STRN: variants seen among roughly 807,000 people sequenced by gnomAD.
STRN encodes striatin.
A neutral mutation model predicts 96.3 loss-of-function variants in STRN; 53 were observed. The ratio of observed to expected loss-of-function variants is 0.55; its 90% CI spans 0.44 to 0.69. The LOEUF is 0.69. STRN is among the 30% of genes least tolerant of loss of function. The probability of loss-of-function intolerance (pLI) is 0.00; values close to 1 mark genes in which losing one functional copy is unlikely to be tolerated. For synonymous variants in STRN, 428 were observed against 355.9 expected, an observed-to-expected ratio of 1.20 and a Z score of -2.28; for missense variants, 987 against 963.9, an observed-to-expected ratio of 1.02 and a Z score of -0.32.
At chr2:36,953,983 G>A (rs1450779774) in intron 1 of STRN, among the ~76,000 whole-genome samples, 2 of 151,642 alleles carry the variant, frequency 1.3e-5, no homozygotes, top group East Asian at 3.9e-4. Context: ...CTCCAGCCTG[G>A]GCAGAATAGA....
intron 1 of STRN, among the ~76,000 whole-genome samples, chr2:36,963,583 C>T (rs10190027): frequency 0.25 from 38,186 of 152,016 alleles, 5,369 homozygotes; most frequent in East Asian, 0.63. Flanking sequence ...TCATATTCAT[C>T]CTGTTAGGAA....
chr2:36,869,586 C>A lies in STRN; in HGVS notation c.1467G>T (p.Met489Ile), dbSNP rs1426769362. 1 of 1,585,430 alleles carries A rather than the reference C, an allele frequency of 6.3e-7. No homozygotes were observed. Among genetic ancestry groups the A allele is most frequent in the African/African-American group, 1.4e-5 (1 of 73,930 alleles). Residue 489 changes from methionine to isoleucine, a missense_variant, in exon 11 of 18, where the codon ATG becomes ATT. Transcript: ENST00000263918. ...CTGGGGCTGTTTTCTGTAAATTCCA[C>A]ATTTTTAATGTGTGATCCTCTGATG... ...ITASEDHTLK[M>I]WNLQKTAPAK...
intron 1 of STRN, among the ~76,000 whole-genome samples, chr2:36,955,444 T>C (rs1664862267): frequency 6.6e-6 from 1 of 152,252 alleles, no homozygotes; most frequent in Non-Finnish European, 1.5e-5. Context: ...CTGTCAGCCC[T>C]AGAATTCTAG....
At chr2:36,952,728 A>G (rs909128758) in intron 1 of STRN, among the ~76,000 whole-genome samples, 2 of 152,216 alleles carry the variant, frequency 1.3e-5, no homozygotes, top group African/African-American at 4.8e-5. Context: ...AACAAAAGAT[A>G]AAGTACTGGG....
intron 6 of STRN, among the ~76,000 whole-genome samples, chr2:36,895,372 T>G (rs1669511881): frequency 6.6e-6 from 1 of 151,946 alleles, no homozygotes; most frequent in Non-Finnish European, 1.5e-5. Context: ...AAGGATTATT[T>G]AATGATGCTA....
At chr2:36,898,892 G>A (rs185852738) in intron 6 of STRN, among the ~76,000 whole-genome samples, 1 of 152,168 alleles carries the variant, frequency 6.6e-6, no homozygotes, top group African/African-American at 2.4e-5. Context: ...GAGAGAGAAG[G>A]GAGAAGGGGA....
Position 36,877,884 on chromosome 2 carries a change from T to C in STRN, c.1323+7A>G. ...GTAAACACAACAAAAACAAAACTAC[T>C]ACTTACATCATAAGTTAGTGAGTCT... On this transcript the variant is annotated splice_region_variant and intron_variant, in intron 10 of 17. Transcript: ENST00000263918. 1 of 1,613,118 alleles carries C rather than the reference T, an allele frequency of 6.2e-7. No homozygotes were observed. The highest frequency in any genetic ancestry group is 8.5e-7 in the Non-Finnish European group (1 of 1,179,756).
At chr2:36,859,193 G>A (rs977192681) in intron 13 of STRN, among the ~76,000 whole-genome samples, 3 of 152,130 alleles carry the variant, frequency 2.0e-5, no homozygotes, top group African/African-American at 7.2e-5. Flanking sequence ...GTCTCCAGGG[G>A]CAGCAGGATC....
chr2:36,889,280 C>T (rs1450039484), intron 7 of STRN, among the ~76,000 whole-genome samples: 2 of 152,112 alleles, frequency 1.3e-5, no homozygotes, highest in African/African-American at 2.4e-5. Flanking sequence ...GTTTAGAAAA[C>T]TGTTTCCTGG....
Position 36,849,369 on chromosome 2 carries a change from C to T in STRN, c.*87G>A, listed in dbSNP as rs567737076. 290 of 1,458,764 alleles carry T rather than the reference C, an allele frequency of 2.0e-4. 1 individual carries two copies. The African/African-American group carries it at 2.3e-3, about 12-fold the overall frequency. The allele number at this position is 1,458,764 out of a possible 1,614,324, so 90.4% of individuals were successfully genotyped here. Reference sequence around the variant, plus strand: ...CCTTCAGCAGAACAAAAGGGCAGGACGAGATGATTCTTGCCCTCGTCTTCT... The same window carrying T: ...CCTTCAGCAGAACAAAAGGGCAGGATGAGATGATTCTTGCCCTCGTCTTCT... On this transcript the variant is annotated 3_prime_UTR_variant, in exon 18 of 18. Coordinates refer to ENST00000263918, the MANE Select transcript of STRN (RefSeq NM_003162.4).
chr2:36,858,079 A>C, intron 13 of STRN, 56 bp from the exon 14 acceptor site: 3 of 1,437,690 alleles, frequency 2.1e-6, no homozygotes, highest in Non-Finnish European at 2.8e-6. Flanking sequence ...AAAGGTACTT[A>C]GATTTCAGAG....
At chr2:36,955,148 C>T (rs1572699863) in intron 1 of STRN, among the ~76,000 whole-genome samples, 1 of 152,284 alleles carries the variant, frequency 6.6e-6, no homozygotes, top group East Asian at 1.9e-4. Flanking sequence ...GAAGCAGCTA[C>T]ACAGAGTGAG....
At chr2:36,862,500 A>G (rs952144610) in intron 12 of STRN, among the ~76,000 whole-genome samples, 1 of 152,086 alleles carries the variant, frequency 6.6e-6, no homozygotes, top group Admixed American at 6.5e-5. Context: ...TGTAATAATA[A>G]GTGTTGTTGA....
chr2:36,872,140 G>A (rs1317913776), intron 10 of STRN, among the ~76,000 whole-genome samples: 1 of 152,180 alleles, frequency 6.6e-6, no homozygotes, highest in Non-Finnish European at 1.5e-5. Context: ...ACCTTATATA[G>A]TTTCCTCCCC....
At chr2:36,892,222 G>T (rs1669419768) in intron 7 of STRN, among the ~76,000 whole-genome samples, 1 of 152,068 alleles carries the variant, frequency 6.6e-6, no homozygotes, top group African/African-American at 2.4e-5. Context: ...AGGCACTTAG[G>T]GACATAAAGA....
At chr2:36,950,186 T>C (rs1358379839) in intron 1 of STRN, among the ~76,000 whole-genome samples, 1 of 151,596 alleles carries the variant, frequency 6.6e-6, no homozygotes, top group African/African-American at 2.4e-5. Context: ...GTTTCTTTTG[T>C]TGTTACTGGT....
intron 10 of STRN, among the ~76,000 whole-genome samples, chr2:36,870,716 TTTATG>T (rs1321369876): frequency 3.3e-5 from 5 of 152,134 alleles, no homozygotes; most frequent in Admixed American, 6.6e-5. Flanking sequence ...CTGTTACTGG[TTTATG>T]TTATTTATTA....
intron 6 of STRN, among the ~76,000 whole-genome samples, chr2:36,897,491 AGTGGC>A (rs1669574121): frequency 6.6e-6 from 1 of 151,396 alleles, no homozygotes; most frequent in Admixed American, 6.6e-5. Flanking sequence ...GCTGGAGTGC[AGTGGC>A]GCAATCTCAG....
intron 1 of STRN, among the ~76,000 whole-genome samples, chr2:36,941,149 C>T (rs752546766): frequency 6.6e-6 from 1 of 152,062 alleles, no homozygotes; most frequent in Non-Finnish European, 1.5e-5. Context: ...GAGGTGAGAC[C>T]CTGTCTCAAA....
Sources: allele counts gnomAD v4.1 joint callset (sites outside exome capture counted in the v4.1 genomes callset), GRCh38; gene constraint gnomAD v4.1.1; transcripts MANE v1.5; gene names NCBI Gene and HGNC (gene_info 2026-07-23, HGNC 2026-07-21).